Variants in ASXL1 observed in about 807,000 individuals in gnomAD.
ASXL1 encodes the protein polycomb group protein ASXL1.
Under a neutral mutation model 89.1 loss-of-function variants are expected in ASXL1, and 65 were observed. The observed-to-expected ratio is 0.73, with a 90% confidence interval of 0.60 to 0.90. The LOEUF is 0.90. Ranked by LOEUF, ASXL1 falls within the 40% of genes least tolerant of loss-of-function variation. The pLI is 0.00. For synonymous variants in ASXL1, 739 were observed against 746.9 expected, an observed-to-expected ratio of 0.99 and a Z score of 0.17; for missense variants, 1,786 against 1,942.9, an observed-to-expected ratio of 0.92 and a Z score of 1.52.
intron 1 of ASXL1, chr20:32,359,154 T>C (rs2048066356): frequency 6.1e-6 from 4 of 658,556 alleles, no homozygotes; most frequent in Non-Finnish European, 8.2e-6. Context: ...TTTGGCAGCG[T>C]CTGGGGGTCT....
At chr20:32,375,746 G>T (rs1351963789) in intron 4 of ASXL1, among the ~76,000 whole-genome samples, 1 of 151,062 alleles carries the variant, frequency 6.6e-6, no homozygotes, top group Non-Finnish European at 1.5e-5. Flanking sequence ...GCAGTGGCAT[G>T]ATCACGGCTT....
chr20:32,399,747 CTTTTTTTTTTTTTT>C (rs369127811), intron 4 of ASXL1, among the ~76,000 whole-genome samples: 10 of 73,880 alleles, frequency 1.4e-4, no homozygotes, highest in East Asian at 6.3e-4. Flanking sequence ...ATATTTTACT[CTTTTTTTTTTTTTT>C]TTTTTTTTTT....
intron 4 of ASXL1, among the ~76,000 whole-genome samples, chr20:32,384,562 C>T (rs933784551): frequency 1.3e-5 from 2 of 152,116 alleles, no homozygotes; most frequent in Non-Finnish European, 2.9e-5. Flanking sequence ...TGACTAATTC[C>T]CAAAGGACAT....
chr20:32,402,253 G>A (rs1297148120), intron 4 of ASXL1, among the ~76,000 whole-genome samples: 2 of 152,138 alleles, frequency 1.3e-5, no homozygotes, highest in Admixed American at 1.3e-4. Flanking sequence ...CAGAGATGGA[G>A]TCTTGCTTTG....
chr20:32,436,699 C>CA lies in ASXL1; in HGVS notation c.3987_3988insA (p.Pro1330ThrfsTer41), dbSNP rs755024604. On this transcript the variant is annotated frameshift_variant, in exon 13 of 13. Coordinates refer to ENST00000375687, the MANE Select transcript of ASXL1 (RefSeq NM_015338.6). LOFTEE classifies it high-confidence loss of function. ...ACCCGATGCCTCTTCCTGCTGAGAT[C>CA]CCTCCAGTTTTTCCCAGTGGGAAGT... 2.5e-6 allele frequency: 4 copies of CA among 1,614,026 alleles called. No homozygotes were observed. In the South Asian group the frequency reaches 4.4e-5, roughly 18 times the overall value.
intron 4 of ASXL1, among the ~76,000 whole-genome samples, chr20:32,396,839 CTA>C (rs1301106376): frequency 6.6e-6 from 1 of 152,122 alleles, no homozygotes; most frequent in Non-Finnish European, 1.5e-5. Context: ...ATACTGCTTA[CTA>C]AGTTAGCATT....
At chr20:32,394,963 C>G (rs546684144) in intron 4 of ASXL1, among the ~76,000 whole-genome samples, 27 of 152,276 alleles carry the variant, frequency 1.8e-4, no homozygotes, top group Non-Finnish European at 3.5e-4. Context: ...ATCCGCCTGT[C>G]TTGGCCTCCC....
chr20:32,425,459 G>A (rs1438789138), intron 4 of ASXL1, among the ~76,000 whole-genome samples: 4 of 152,206 alleles, frequency 2.6e-5, no homozygotes. Flanking sequence ...TCTGTTTTCA[G>A]TGTACTTGTT....
At chr20:32,408,002 A>G (rs1215033102) in intron 4 of ASXL1, among the ~76,000 whole-genome samples, 2 of 152,026 alleles carry the variant, frequency 1.3e-5, no homozygotes, top group African/African-American at 4.8e-5. Flanking sequence ...CAGTGGCACA[A>G]TCTTGGCTCA....
intron 1 of ASXL1, among the ~76,000 whole-genome samples, chr20:32,364,755 C>T (rs1442290408): frequency 1.3e-5 from 2 of 152,194 alleles, no homozygotes; most frequent in Non-Finnish European, 2.9e-5. Flanking sequence ...CTGGGTTGAC[C>T]TCAGTCTATA....
intron 1 of ASXL1, chr20:32,359,732 C>G (rs932249038): frequency 2.8e-6 from 2 of 717,958 alleles, no homozygotes; most frequent in African/African-American, 3.5e-5. Flanking sequence ...TGTTTGAAGC[C>G]GTCTCGTTCA....
At position 32,437,925 on chromosome 20, in the gene ASXL1, T is replaced by C. The variant is rs1226878060; in HGVS notation, c.*587T>C. 1 of 240,292 alleles carries C rather than the reference T, an allele frequency of 4.2e-6. No homozygotes were observed. The highest frequency in any genetic ancestry group is 8.2e-6 in the Non-Finnish European group (1 of 122,388). The allele number at this position is 240,292 out of a possible 1,614,324, so 14.9% of individuals were successfully genotyped here. A position where few individuals can be genotyped will look rare whatever the true frequency, so the allele number is the denominator to read the frequency against. Reference sequence around the variant, plus strand: ...CTTGGTTCTGTTGCTGAAGCAAATTTGGAACTTTTCTGTCTCAGTGTGATC... The same window carrying C: ...CTTGGTTCTGTTGCTGAAGCAAATTCGGAACTTTTCTGTCTCAGTGTGATC... On this transcript the variant is annotated 3_prime_UTR_variant, in exon 13 of 13. Transcript: ENST00000375687.
chr20:32,415,598 A>T (rs573520455), intron 4 of ASXL1, among the ~76,000 whole-genome samples: 1 of 152,090 alleles, frequency 6.6e-6, no homozygotes, highest in Non-Finnish European at 1.5e-5. Flanking sequence ...GGTGCCTCCC[A>T]CTTCCCTGCG....
At chr20:32,359,426 G>T (rs541833779) in intron 1 of ASXL1, 1 of 701,974 alleles carries the variant, frequency 1.4e-6, no homozygotes, top group Non-Finnish European at 2.6e-6. Flanking sequence ...CCTGGGAGGC[G>T]GTTAGGAACG....
chr20:32,374,155 A>G (rs2048341442), intron 4 of ASXL1, among the ~76,000 whole-genome samples: 3 of 151,566 alleles, frequency 2.0e-5, no homozygotes, highest in Admixed American at 2.0e-4. Flanking sequence ...CTACAGGCGC[A>G]TGCCACCACA....
At chr20:32,374,714 G>A (rs1480289069) in intron 4 of ASXL1, among the ~76,000 whole-genome samples, 1 of 152,114 alleles carries the variant, frequency 6.6e-6, no homozygotes, top group Non-Finnish European at 1.5e-5. Context: ...AAGTTGTGCA[G>A]GCATTTAGTT....
At chr20:32,432,149 TTA>T (rs1441140732) in intron 10 of ASXL1, among the ~76,000 whole-genome samples, 3 of 152,124 alleles carry the variant, frequency 2.0e-5, no homozygotes, top group Admixed American at 1.3e-4. Flanking sequence ...CAGCATATAG[TTA>T]TATGTACAGG....
At chr20:32,386,418 G>C (rs1013001438) in intron 4 of ASXL1, among the ~76,000 whole-genome samples, 12 of 151,516 alleles carry the variant, frequency 7.9e-5, no homozygotes, top group Middle Eastern at 3.4e-3. Context: ...AGTCATATTT[G>C]GGGTTACTTT....
chr20:32,406,269 T>G (rs2048953222), intron 4 of ASXL1, among the ~76,000 whole-genome samples: 1 of 152,096 alleles, frequency 6.6e-6, no homozygotes, highest in South Asian at 2.1e-4. Context: ...AAATCTGGGC[T>G]GGGCGCAGTG....
Sources: allele counts gnomAD v4.1 joint callset (sites outside exome capture counted in the v4.1 genomes callset), GRCh38; gene constraint gnomAD v4.1.1; transcripts MANE v1.5; gene names NCBI Gene and HGNC (gene_info 2026-07-23, HGNC 2026-07-21).